Variants in LRP1B observed in about 807,000 individuals in gnomAD.
LRP1B encodes the protein low-density lipoprotein receptor-related protein 1B.
LRP1B carries 217 observed loss-of-function variants against 556.6 expected under a neutral mutation model. The observed-to-expected ratio is 0.39, with a 90% CI of 0.35 to 0.44. The LOEUF (loss-of-function observed/expected upper bound fraction) is 0.44. LRP1B is among the 20% of genes least tolerant of loss of function. The pLI is 1.00. For missense variants in LRP1B, 5,053 were observed against 5,620.8 expected (o/e 0.90, Z 3.23); for synonymous variants, 2,047 against 1,865.8 (o/e 1.10, Z -2.50).
At chr2:141,271,694 C>T (rs936781645) in intron 3 of LRP1B, among the ~76,000 whole-genome samples, 5 of 150,880 alleles carry the variant, frequency 3.3e-5, no homozygotes, top group East Asian at 1.9e-4. Flanking sequence ...TGTTAGTAAA[C>T]CTAGCTTATA....
At chr2:141,996,717 C>G (rs1702501607) in intron 1 of LRP1B, among the ~76,000 whole-genome samples, 2 of 148,710 alleles carry the variant, frequency 1.3e-5, no homozygotes, top group South Asian at 4.4e-4. Flanking sequence ...TTTCTTTCCC[C>G]CCCCCTACAA....
chr2:142,005,362 C>A (rs1473124066), intron 1 of LRP1B, among the ~76,000 whole-genome samples: 2 of 151,844 alleles, frequency 1.3e-5, no homozygotes, highest in Admixed American at 6.6e-5. Flanking sequence ...CATTTTCAGA[C>A]CGAAAAAAAT....
At chr2:140,926,675 T>TA (rs374313006) in intron 20 of LRP1B, among the ~76,000 whole-genome samples, 40 of 152,134 alleles carry the variant, frequency 2.6e-4, no homozygotes, top group African/African-American at 9.4e-4. Context: ...CATTTGACTT[T>TA]AAAAAAATAC....
chr2:142,088,405 T>C (rs1337685005), intron 1 of LRP1B, among the ~76,000 whole-genome samples: 1 of 152,180 alleles, frequency 6.6e-6, no homozygotes, highest in Non-Finnish European at 1.5e-5. Context: ...AAATAGTACA[T>C]GAGAAATTAG....
intron 2 of LRP1B, among the ~76,000 whole-genome samples, chr2:141,720,804 C>A (rs1692783112): frequency 7.2e-5 from 11 of 152,072 alleles, no homozygotes. Context: ...ATTTATTTAT[C>A]CAACTTTTAA....
chr2:142,117,794 A>C (rs1197131219), intron 1 of LRP1B, among the ~76,000 whole-genome samples: 2 of 152,154 alleles, frequency 1.3e-5, no homozygotes, highest in Non-Finnish European at 2.9e-5. Context: ...GCTCAAGTTG[A>C]ATATCAGCTG....
rs529126694 is a variant in LRP1B at position 142,026,845 on chromosome 2, G to A, written c.82+103803C>T. ...AGTATGTAACTTCCAGTGCTGTTGG[G>A]ACCAGGAATGGGTTATTTTTCATAT... On this transcript the variant is annotated intron_variant, in intron 1 of 90. Coordinates refer to ENST00000389484, the MANE Select transcript of LRP1B (RefSeq NM_018557.3). Among the ~76,000 whole-genome samples, 5 of 152,022 alleles carry A rather than the reference G, an allele frequency of 3.3e-5. No individual in the cohort carries two copies. The East Asian group carries it at 5.8e-4, about 18-fold the overall frequency.
At chr2:140,477,923 T>G (rs2105351502) in intron 59 of LRP1B, among the ~76,000 whole-genome samples, 1 of 152,180 alleles carries the variant, frequency 6.6e-6, no homozygotes, top group East Asian at 1.9e-4. Flanking sequence ...AGTTTTTCAT[T>G]ACAGTCTCAC....
At chr2:142,012,904 A>C (rs899094641) in intron 1 of LRP1B, among the ~76,000 whole-genome samples, 2 of 152,268 alleles carry the variant, frequency 1.3e-5, no homozygotes, top group South Asian at 2.1e-4. Context: ...TTAACCTCTC[A>C]TCTGTCAAAT....
chr2:140,717,939 T>A (rs1283389293), intron 35 of LRP1B, among the ~76,000 whole-genome samples: 2 of 152,112 alleles, frequency 1.3e-5, no homozygotes, highest in Non-Finnish European at 2.9e-5. Context: ...AGATACCCTA[T>A]CCAAATATAT....
At chr2:141,417,238 A>C (rs1691140099) in intron 3 of LRP1B, among the ~76,000 whole-genome samples, 1 of 152,224 alleles carries the variant, frequency 6.6e-6, no homozygotes. Context: ...TTGTGGTTAA[A>C]AAAACTCATG....
At chr2:140,335,208 G>A (rs825435) in intron 78 of LRP1B, among the ~76,000 whole-genome samples, 2,663 of 125,094 alleles carry the variant, frequency 0.021, 87 homozygotes, top group African/African-American at 0.072. Flanking sequence ...ATATATATGT[G>A]TGTGTGTGTG....
intron 2 of LRP1B, among the ~76,000 whole-genome samples, chr2:141,760,203 C>T (rs10193275): frequency 0.96 from 146,006 of 152,246 alleles, 70,324 homozygotes; most frequent in East Asian, 1. Context: ...ATAACCAAAA[C>T]TGGAAAGAAA....
chr2:140,403,852 A>C (rs750657632), intron 66 of LRP1B, among the ~76,000 whole-genome samples: 1 of 152,158 alleles, frequency 6.6e-6, no homozygotes, highest in Non-Finnish European at 1.5e-5. Flanking sequence ...AATATGAAGA[A>C]AACAATTTGA....
At chr2:140,683,045 T>A (rs1685919341) in intron 41 of LRP1B, among the ~76,000 whole-genome samples, 1 of 152,202 alleles carries the variant, frequency 6.6e-6, no homozygotes, top group Non-Finnish European at 1.5e-5. Flanking sequence ...AATAAATAAA[T>A]CTTTTGTCAT....
intron 41 of LRP1B, among the ~76,000 whole-genome samples, chr2:140,613,999 C>T (rs1032570629): frequency 1.3e-5 from 2 of 152,118 alleles, no homozygotes; most frequent in African/African-American, 4.8e-5. Flanking sequence ...GGACCTCTGT[C>T]TCCCAGTTTC....
chr2:141,654,937 A>G (rs1278942342), intron 2 of LRP1B, among the ~76,000 whole-genome samples: 2 of 152,122 alleles, frequency 1.3e-5, no homozygotes, highest in African/African-American at 2.4e-5. Flanking sequence ...AATGTTAGGG[A>G]GGTGTACAAT....
At chr2:141,619,437 A>T (rs1688425227) in intron 2 of LRP1B, among the ~76,000 whole-genome samples, 2 of 152,230 alleles carry the variant, frequency 1.3e-5, no homozygotes, top group Admixed American at 1.3e-4. Flanking sequence ...GCGGAACTGA[A>T]GAGGTAGGAT....
chr2:140,466,429 A>T lies in LRP1B; in HGVS notation c.9625+8709T>A, dbSNP rs1263668764. On this transcript the variant is annotated intron_variant, in intron 60 of 90. Transcript: ENST00000389484. ...AACACAAACTGGATTCCAGAGCAAT[A>T]AACAAACAATAGAGTTAGACTACAA... Among the ~76,000 whole-genome samples, 8 of 152,272 alleles carry T rather than the reference A, an allele frequency of 5.3e-5. No homozygotes were observed. The East Asian group carries it at 1.5e-3, about 29-fold the overall frequency.
Sources: gnomAD v4.1 joint callset for allele counts (sites outside exome capture counted in the v4.1 genomes callset) on GRCh38, gnomAD v4.1.1 for gene constraint, MANE v1.5 for transcripts, NCBI Gene and HGNC (gene_info 2026-07-23, HGNC 2026-07-21) for gene names.